The following CREBBP variants were observed in gnomAD, a reference collection of about 807,000 sequenced individuals.
CREBBP encodes CREB-binding protein.
Under a neutral mutation model 265.0 loss-of-function variants are expected in CREBBP, and 19 were observed. The observed-to-expected ratio is 0.07, with a 90% confidence interval of 0.05 to 0.11. The LOEUF is 0.11. Among genes scored for constraint, CREBBP ranks in the 10% least tolerant of loss-of-function variants. The probability of loss-of-function intolerance (pLI) is 1.00; values close to 1 mark genes in which losing one functional copy is unlikely to be tolerated. For missense variants in CREBBP, 2,525 were observed against 3,219.0 expected (o/e 0.78, Z 5.22); for synonymous variants, 1,457 against 1,223.7 (o/e 1.19, Z -3.98).
At chr16:3,857,706 C>A (rs1009249955) in intron 1 of CREBBP, among the ~76,000 whole-genome samples, 10 of 152,182 alleles carry the variant, frequency 6.6e-5, no homozygotes, top group African/African-American at 2.4e-4. Context: ...CACCCTGCAC[C>A]CAGAGCATTT....
chr16:3,824,920 C>G (rs746739017), intron 2 of CREBBP, among the ~76,000 whole-genome samples: 8 of 152,190 alleles, frequency 5.3e-5, no homozygotes, highest in Admixed American at 2.0e-4. Context: ...TTGCCATTCA[C>G]GCAGGGCCGC....
chr16:3,845,590 T>TAA (rs2054650053), intron 2 of CREBBP, among the ~76,000 whole-genome samples: 1 of 152,028 alleles, frequency 6.6e-6, no homozygotes, highest in Admixed American at 6.5e-5. Context: ...TAAATTGAGT[T>TAA]AAAGATTCAA....
intron 2 of CREBBP, among the ~76,000 whole-genome samples, chr16:3,835,485 T>C (rs1036349658): frequency 6.6e-6 from 1 of 151,646 alleles, no homozygotes; most frequent in Non-Finnish European, 1.5e-5. Flanking sequence ...CCTTGTACAG[T>C]GAATTTCGTT....
At chr16:3,741,696 T>A (rs933049795) in intron 23 of CREBBP, 4 of 152,036 alleles carry the variant, frequency 2.6e-5, no homozygotes, top group African/African-American at 9.7e-5. Flanking sequence ...TCCCAGCTCT[T>A]TGGGAGGCTG....
At position 3,739,766 on chromosome 16, in the gene CREBBP, C is replaced by T. The variant is rs370202788; in HGVS notation, c.4134-42G>A. On this transcript the variant is annotated intron_variant, in intron 24 of 30. Transcript: ENST00000262367. ...AGCCGGACATTTACAAAGGCTGTTG[C>T]TGACAAGGTGCTTCTGCACACCAGG... 1.7e-5 allele frequency: 27 copies of T among 1,613,838 alleles called. No individual in the cohort carries two copies. The African/African-American group carries it at 2.8e-4, about 17-fold the overall frequency.
At chr16:3,791,897 C>T (rs2053516289) in intron 5 of CREBBP, 84 bp downstream of exon 5, 4 of 1,182,216 alleles carry the variant, frequency 3.4e-6, no homozygotes, top group Admixed American at 1.7e-5. Flanking sequence ...TAACCCCTGC[C>T]CACTCCCTAC....
rs964232547 is a variant in CREBBP at position 3,740,428 on chromosome 16, C to T, written c.4104G>A (p.Thr1368=). ...FVRVVASSDK[T]VEVKPGMKSR... ...ACTTCATCCCGGGCTTGACCTCCACCGTCTTGTCTGAGCTGGCCACCACTC... is the reference window on the plus strand; with the variant it reads ...ACTTCATCCCGGGCTTGACCTCCACTGTCTTGTCTGAGCTGGCCACCACTC... The change falls in exon 24 of 31, where the codon ACG becomes ACA. Residue 1368 remains threonine (T), a synonymous_variant. Coordinates refer to ENST00000262367, the MANE Select transcript of CREBBP (RefSeq NM_004380.3). 1.1e-5 allele frequency: 18 copies of T among 1,614,072 alleles called. No individual in the cohort carries two copies. In the East Asian group the frequency reaches 1.6e-4, roughly 14 times the overall value.
intron 2 of CREBBP, among the ~76,000 whole-genome samples, chr16:3,843,990 T>C (rs963418470): frequency 6.7e-5 from 10 of 149,198 alleles, no homozygotes; most frequent in African/African-American, 2.2e-4. Context: ...CTACTAAAAA[T>C]ACAAAAAATT....
chr16:3,762,663 C>T (rs2052750860), intron 16 of CREBBP, among the ~76,000 whole-genome samples: 1 of 152,194 alleles, frequency 6.6e-6, no homozygotes, highest in African/African-American at 2.4e-5. Context: ...GGCTCTCGAG[C>T]CCTTGGAGGC....
intron 30 of CREBBP, among the ~76,000 whole-genome samples, chr16:3,730,354 G>A (rs1256117683): frequency 2.0e-5 from 3 of 152,124 alleles, no homozygotes; most frequent in Non-Finnish European, 4.4e-5. Flanking sequence ...GAGGGAGGCC[G>A]GTCCCTCCCA....
chr16:3,788,040 G>A (rs1397896757), intron 5 of CREBBP, among the ~76,000 whole-genome samples: 1 of 152,224 alleles, frequency 6.6e-6, no homozygotes, highest in South Asian at 2.1e-4. Flanking sequence ...AGGTGAAGCA[G>A]TGGGAGCTAC....
rs192301706 is a variant in CREBBP, at chr16:3,748,964, A to G, written c.3836+663T>C. ...AGATCGAGACCATCCTGGCTAACAC[A>G]GTGAAACCCCGTCTCTACTAAAAAT... On this transcript the variant is annotated intron_variant, in intron 21 of 30. Transcript: ENST00000262367. Among the ~76,000 whole-genome samples the G allele has an allele frequency of 2.4e-3, 362 of 152,160 alleles. 4 individuals are homozygous for G. The highest frequency in any genetic ancestry group is 0.016 in the Admixed American group (241 of 15,278).
At chr16:3,759,397 T>A (rs184063225) in intron 16 of CREBBP, among the ~76,000 whole-genome samples, 20 of 152,192 alleles carry the variant, frequency 1.3e-4, no homozygotes, top group Non-Finnish European at 2.9e-5. Flanking sequence ...AAGACCAGCC[T>A]GACCAACGTA....
At chr16:3,737,756 T>A (rs1326355998) in intron 26 of CREBBP, among the ~76,000 whole-genome samples, 1 of 142,538 alleles carries the variant, frequency 7.0e-6, no homozygotes, top group East Asian at 2.0e-4. Context: ...GGTGAGCCAA[T>A]TTTTTTTTGT....
At chr16:3,739,413 T>C (rs2052147318) in intron 25 of CREBBP, 165 bp downstream of exon 25, 2 of 788,212 alleles carry the variant, frequency 2.5e-6, no homozygotes, top group South Asian at 1.7e-5. Flanking sequence ...CATTTCCCGC[T>C]AGTTTAATGG....
chr16:3,742,554 T>A (rs1339321825), intron 23 of CREBBP: 1 of 152,220 alleles, frequency 6.6e-6, no homozygotes, highest in African/African-American at 2.4e-5. Context: ...TGTATCTTTT[T>A]AAGGAAGGCT....
intron 2 of CREBBP, among the ~76,000 whole-genome samples, chr16:3,826,215 C>T (rs1466801488): frequency 1.3e-5 from 2 of 151,988 alleles, no homozygotes; most frequent in African/African-American, 2.4e-5. Context: ...CCAGTCTCGG[C>T]GGGCGGGGAG....
chr16:3,748,265 A>T (rs1260499774), intron 21 of CREBBP, among the ~76,000 whole-genome samples: 1 of 151,742 alleles, frequency 6.6e-6, no homozygotes, highest in Non-Finnish European at 1.5e-5. Context: ...GGGACAGAGC[A>T]AGACTTGTCT....
At chr16:3,777,468 T>G in intron 11 of CREBBP, 145 bp downstream of exon 11, 1 of 845,608 alleles carries the variant, frequency 1.2e-6, no homozygotes, top group Non-Finnish European at 2.0e-6. Context: ...ATACTACCTG[T>G]AGAACTGAAT....
Sources: gnomAD v4.1 joint callset for allele counts (sites outside exome capture counted in the v4.1 genomes callset) on GRCh38, gnomAD v4.1.1 for gene constraint, MANE v1.5 for transcripts, NCBI Gene and HGNC (gene_info 2026-07-23, HGNC 2026-07-21) for gene names.